Variants in GSG1L2 observed in about 807,000 individuals in gnomAD.
GSG1L2 encodes the protein germ cell-specific gene 1-like protein 2.
Under a neutral mutation model 9.0 loss-of-function variants are expected in GSG1L2, and 15 were observed. That is an observed-to-expected ratio of 1.67 (90% CI 1.12 to 2.57). The LOEUF (loss-of-function observed/expected upper bound fraction) is 2.57. Ranked by LOEUF, GSG1L2 falls within the 30% of genes most tolerant of loss-of-function variation. The probability of loss-of-function intolerance (pLI) is 0.00; values close to 1 mark genes in which losing one functional copy is unlikely to be tolerated. For missense variants in GSG1L2, 286 were observed against 150.3 expected, an observed-to-expected ratio of 1.90 and a Z score of -4.72; for synonymous variants, 127 against 57.9, an observed-to-expected ratio of 2.19 and a Z score of -5.41.
In GSG1L2 at chr17:9,821,832, A is replaced by T; in HGVS notation, c.240T>A (p.Asp80Glu). 1 of 703,476 alleles carries T rather than the reference A, an allele frequency of 1.4e-6. No homozygotes were observed. The highest frequency in any genetic ancestry group is 2.6e-6 in the Non-Finnish European group (1 of 385,090). 43.6% of individuals were successfully genotyped at this position (703,476 alleles called of 1,614,324 possible). The change falls in exon 1 of 5, where the codon GAT becomes GAA. Residue 80 changes from aspartate (D) to glutamate (E), a missense_variant. By Grantham distance (45) the Asp-to-Glu change is conservative. Transcript: ENST00000399363. The stretch of plus-strand genomic sequence containing the variant: ...GGAACCCCCGCTGAATGAACTTGTC[A>T]TCACCCAGCTCCCAAATGTACAGGA... ...QAVLYIWELG[D>E]DKFIQRGFHV...
At chr17:9,815,261 G>A (rs1036662969) in intron 1 of GSG1L2, among the ~76,000 whole-genome samples, 1 of 152,160 alleles carries the variant, frequency 6.6e-6, no homozygotes, top group African/African-American at 2.4e-5. Flanking sequence ...GTGGTGGCAT[G>A]CGCCTGTAAT....
intron 1 of GSG1L2, among the ~76,000 whole-genome samples, chr17:9,816,791 G>A (rs62066026): frequency 0.52 from 76,554 of 148,236 alleles, 20,870 homozygotes; most frequent in East Asian, 0.99. Flanking sequence ...CTGTGTGTGC[G>A]TATCTGTGTA....
rs141733258 is a variant in GSG1L2 at position 9,811,147 on chromosome 17, T to C, written c.311-529A>G. The C allele has an allele frequency of 5.4e-3, 827 of 153,074 alleles. 13 individuals carry two copies. The highest frequency in any genetic ancestry group is 0.018 in the African/African-American group (759 of 41,586). The allele number at this position is 153,074 out of a possible 1,614,324, so 9.5% of individuals were successfully genotyped here. A position where few individuals can be genotyped will look rare whatever the true frequency, so the allele number is the denominator to read the frequency against. On this transcript the variant is annotated intron_variant, in intron 1 of 4. Transcript: ENST00000399363. ...TTCTCAGCTTTGGAAATAGCATTCATTATGGTATGAATCTAAAATAATTGG... is the reference window on the plus strand; with the variant it reads ...TTCTCAGCTTTGGAAATAGCATTCACTATGGTATGAATCTAAAATAATTGG...
rs903480541 is a variant in GSG1L2, at chr17:9,808,963, G to A, written c.378C>T (p.Ile126=). ...GAACGATATCCAGGACCTCGCCCCC[G>A]ATGGACAGCCACAAAACACCTGCCA... ...AEEQGVLWLS[I]GGEVLDIVLI... Residue 126 remains isoleucine, a synonymous_variant, in exon 3 of 5, where the codon ATC becomes ATT. Coordinates refer to ENST00000399363, the MANE Select transcript of GSG1L2 (RefSeq NM_001310219.2). The A allele has an allele frequency of 2.8e-6, 2 of 702,922 alleles. No individual in the cohort carries two copies. The highest frequency in any genetic ancestry group is 2.7e-5 in the East Asian group (1 of 37,298). The allele number at this position is 702,922 out of a possible 1,614,324, so 43.5% of individuals were successfully genotyped here. A position where few individuals can be genotyped will look rare whatever the true frequency, so the allele number is the denominator to read the frequency against.
chr17:9,818,395 G>A (rs1208119788), intron 1 of GSG1L2, among the ~76,000 whole-genome samples: 1 of 151,744 alleles, frequency 6.6e-6, no homozygotes, highest in East Asian at 1.9e-4. Context: ...GTGTAATGGT[G>A]CGATCTCGGC....
At chr17:9,805,183 C>G (rs369581411) in intron 4 of GSG1L2, 1 of 151,934 alleles carries the variant, frequency 6.6e-6, no homozygotes, top group South Asian at 2.1e-4. Flanking sequence ...AAAAAACTGA[C>G]GAAAGGAAAT....
At chr17:9,803,539 G>A (rs2066505513) in intron 4 of GSG1L2, among the ~76,000 whole-genome samples, 1 of 152,192 alleles carries the variant, frequency 6.6e-6, no homozygotes, top group Non-Finnish European at 1.5e-5. Context: ...ATACCAAAGG[G>A]TGTTCAAATG....
chr17:9,812,627 A>AT (rs947469197), intron 1 of GSG1L2, among the ~76,000 whole-genome samples: 56 of 151,766 alleles, frequency 3.7e-4, no homozygotes, highest in South Asian at 1.3e-3. Flanking sequence ...AGCTTCTTTC[A>AT]TTTTTTTTAT....
intron 3 of GSG1L2, chr17:9,807,897 T>G (rs906759362): frequency 4.6e-5 from 14 of 302,270 alleles, no homozygotes; most frequent in African/African-American, 3.0e-4. Flanking sequence ...TCGCTGAGGA[T>G]AAGACTTGAG....
intron 2 of GSG1L2, chr17:9,810,304 A>C (rs4791361): frequency 1.9e-6 from 1 of 532,320 alleles, no homozygotes; most frequent in African/African-American, 1.9e-5. Flanking sequence ...GAAATTGGCT[A>C]TGGTGGGAAT....
At position 9,807,565 on chromosome 17, in the gene GSG1L2, G is replaced by T. The variant is rs1287094865; in HGVS notation, c.548C>A (p.Thr183Asn). The T allele has an allele frequency of 4.3e-6, 3 of 703,298 alleles. No individual in the cohort carries two copies. The East Asian group carries it at 8.0e-5, about 19-fold the overall frequency. 43.6% of individuals were successfully genotyped at this position (703,298 alleles called of 1,614,324 possible). Residue 183 changes from threonine (T) to asparagine (N), a missense_variant, in exon 4 of 5, where the codon ACC (threonine) becomes AAC (asparagine). By Grantham distance (65) the Thr-to-Asn change is moderately conservative. Coordinates refer to ENST00000399363, the MANE Select transcript of GSG1L2 (RefSeq NM_001310219.2). ...AAGGTTCACAGTGATTTGAAAAATGGTTGTGTACATCATGTGGGCCACCAT... is the reference window on the plus strand; with the variant it reads ...AAGGTTCACAGTGATTTGAAAAATGTTTGTGTACATCATGTGGGCCACCAT... Reference protein sequence around the residue: ...LGMVAHMMYTTIFQITVNLGP... With the variant: ...LGMVAHMMYTNIFQITVNLGP...
chr17:9,802,906 C>CT (rs1455161502), intron 4 of GSG1L2, among the ~76,000 whole-genome samples: 1 of 152,098 alleles, frequency 6.6e-6, no homozygotes, highest in African/African-American at 2.4e-5. Context: ...GAGCTGGTTG[C>CT]TTTACCTCTT....
intron 4 of GSG1L2, among the ~76,000 whole-genome samples, chr17:9,806,852 C>G (rs1374740298): frequency 6.6e-6 from 1 of 152,204 alleles, no homozygotes; most frequent in Admixed American, 6.5e-5. Context: ...TAACAACTCA[C>G]GAAGCATATG....
Position 9,801,096 on chromosome 17 carries a change from A to AT in GSG1L2, c.*1289dup, listed in dbSNP as rs1235237817. 2.0e-5 allele frequency among the ~76,000 whole-genome samples: 3 copies of AT among 151,796 alleles called. No individual in the cohort carries two copies. Among genetic ancestry groups the AT allele is most frequent in the African/African-American group, 4.8e-5 (2 of 41,318 alleles). ...TTCAGCATAAACAGATTTTTATTGG[A>AT]TTTTTTTCCCAGAAATGATATGTTT... On this transcript the variant is annotated 3_prime_UTR_variant, in exon 5 of 5. Transcript: ENST00000399363.
intron 4 of GSG1L2, chr17:9,803,750 GA>G (rs1471087038): frequency 4.6e-5 from 7 of 152,344 alleles, no homozygotes; most frequent in African/African-American, 1.7e-4. Context: ...GCGACCCCCT[GA>G]TGGAGGCACT....
chr17:9,807,936 A>G (rs2066522429), intron 3 of GSG1L2: 1 of 224,622 alleles, frequency 4.5e-6, no homozygotes, highest in African/African-American at 2.2e-5. Flanking sequence ...ATGCACCTGT[A>G]ATCCCAGGTA....
intron 4 of GSG1L2, among the ~76,000 whole-genome samples, chr17:9,805,921 C>T (rs1319602004): frequency 1.3e-5 from 2 of 152,134 alleles, no homozygotes; most frequent in African/African-American, 2.4e-5. Flanking sequence ...CTGATGTACA[C>T]GTCACCATGG....
rs766632487 is a variant in GSG1L2 at position 9,807,599 on chromosome 17, GC to G, written c.513del (p.Leu172PhefsTer2). On this transcript the variant is annotated frameshift_variant and splice_region_variant, in exon 4 of 5. Transcript: ENST00000399363. LOFTEE classifies it high-confidence loss of function. ...ALVAIFMVLA[G>X]LLGMVAHMMY... ...ATCATGTGGGCCACCATGCCTAGAA[GC>G]CCTGCGCAAGGAAAGCTCTGTGAGT... 28 of 703,416 alleles carry G rather than the reference GC, an allele frequency of 4.0e-5. No homozygotes were observed. Among genetic ancestry groups the G allele is most frequent in the Admixed American group, 6.0e-5 (3 of 50,016 alleles). 43.6% of individuals were successfully genotyped at this position (703,416 alleles called of 1,614,324 possible).
intron 1 of GSG1L2, among the ~76,000 whole-genome samples, chr17:9,813,289 G>A (rs1408693523): frequency 6.6e-6 from 1 of 152,228 alleles, no homozygotes; most frequent in Non-Finnish European, 1.5e-5. Flanking sequence ...GAGAAACTCA[G>A]GTTGGGGTGA....
Sources: gnomAD v4.1 joint callset for allele counts (sites outside exome capture counted in the v4.1 genomes callset) on GRCh38, gnomAD v4.1.1 for gene constraint, MANE v1.5 for transcripts, NCBI Gene and HGNC (gene_info 2026-07-23, HGNC 2026-07-21) for gene names.